Variants in LCT observed in about 807,000 individuals in gnomAD.
LCT encodes the protein lactase.
A neutral mutation model predicts 173.0 loss-of-function variants in LCT; 90 were observed. That is an observed-to-expected ratio of 0.52 (90% CI 0.44 to 0.62). The LOEUF is 0.62. Among genes scored for constraint, LCT ranks in the 20% least tolerant of loss-of-function variants. The probability of loss-of-function intolerance (pLI) is 0.00; values close to 1 mark genes in which losing one functional copy is unlikely to be tolerated. For synonymous variants in LCT, 853 were observed against 957.6 expected (o/e 0.89, Z 2.02); for missense variants, 1,864 against 2,431.4 (o/e 0.77, Z 4.91).
chr2:135,826,859 T>C (rs879132885), intron 3 of LCT, among the ~76,000 whole-genome samples: 1 of 152,322 alleles, frequency 6.6e-6, no homozygotes, highest in East Asian at 1.9e-4. Context: ...GCACAGGCCC[T>C]GGGCAGCAAG....
At position 135,809,062 on chromosome 2, in the gene LCT, G is replaced by A. The variant is rs372534937; in HGVS notation, c.3285C>T (p.His1095=). 624 of 1,613,348 alleles carry A rather than the reference G, an allele frequency of 3.9e-4. No individual in the cohort carries two copies. The highest frequency in any genetic ancestry group is 4.8e-4 in the Non-Finnish European group (568 of 1,179,852). ...DPGWAPYRIA[H]AVIKAHARVY... ...CTCTGGCATGGGCTTTGATGACGGCGTGGGCTATCCTATATGGTGCCCAGC... is the reference window on the plus strand; with the variant it reads ...CTCTGGCATGGGCTTTGATGACGGCATGGGCTATCCTATATGGTGCCCAGC... Residue 1095 remains histidine, a synonymous_variant, in exon 8 of 17, where the codon CAC becomes CAT. Coordinates refer to ENST00000264162, the MANE Select transcript of LCT (RefSeq NM_002299.4). The surrounding 1 kb of genome is among the most constrained non-coding windows in gnomAD (Gnocchi z 5.5).
At chr2:135,833,606 C>T (rs1012008429) in intron 1 of LCT, among the ~76,000 whole-genome samples, 1 of 150,964 alleles carries the variant, frequency 6.6e-6, no homozygotes, top group Non-Finnish European at 1.5e-5. Flanking sequence ...GCCACCACGC[C>T]CGGCTAATTT....
intron 14 of LCT, among the ~76,000 whole-genome samples, chr2:135,793,114 G>T (rs1339491531): frequency 6.6e-6 from 1 of 152,190 alleles, no homozygotes; most frequent in African/African-American, 2.4e-5. Context: ...CTAACCAGAG[G>T]TCCTGAGTCT....
intron 13 of LCT, among the ~76,000 whole-genome samples, chr2:135,797,698 CT>C (rs1279676406): frequency 6.6e-6 from 1 of 152,160 alleles, no homozygotes. Context: ...AAGCACACGC[CT>C]GACTGTCAGC....
Position 135,833,024 on chromosome 2 carries a change from C to T in LCT, c.720+87G>A. The T allele has an allele frequency of 4.0e-6, 4 of 1,010,100 alleles. No individual in the cohort carries two copies. In the East Asian group the frequency reaches 9.5e-5, roughly 24 times the overall value. 62.6% of individuals were successfully genotyped at this position (1,010,100 alleles called of 1,614,324 possible). The stretch of plus-strand genomic sequence containing the variant: ...CTGAGGCATTTACAGAAATGTCAAA[C>T]CAATAGACCAAAACTTCTCTTGTTT... On this transcript the variant is annotated intron_variant, in intron 2 of 16. Coordinates refer to ENST00000264162, the MANE Select transcript of LCT (RefSeq NM_002299.4).
intron 11 of LCT, among the ~76,000 whole-genome samples, chr2:135,801,777 T>C (rs2077629680): frequency 6.6e-6 from 1 of 151,880 alleles, no homozygotes; most frequent in Admixed American, 6.6e-5. Flanking sequence ...TTTCACCATA[T>C]TGATCAGGCT....
Position 135,788,391 on chromosome 2 carries a change from C to CA in LCT, c.5716dup (p.Cys1906LeufsTer5). On this transcript the variant is annotated frameshift_variant, in exon 17 of 17. Transcript: ENST00000264162. LOFTEE classifies it high-confidence loss of function. ...TGTTTTCCCTTGCTTAGAGCGCTTGCAGTACTTGTATGACAGAAATGCCAA... is the reference window on the plus strand; with the variant it reads ...TGTTTTCCCTTGCTTAGAGCGCTTGCAAGTACTTGTATGACAGAAATGCCAA... The CA allele has an allele frequency of 1.9e-6, 3 of 1,614,122 alleles. No homozygotes were observed. The highest frequency in any genetic ancestry group is 2.5e-6 in the Non-Finnish European group (3 of 1,180,016).
At chr2:135,821,715 C>T (rs1050305894) in intron 5 of LCT, 2 of 400,858 alleles carry the variant, frequency 5.0e-6, no homozygotes, top group Non-Finnish European at 9.3e-6. Flanking sequence ...GTCTTGAACT[C>T]CTGGACTCAA....
intron 3 of LCT, among the ~76,000 whole-genome samples, chr2:135,828,765 T>C (rs2077907905): frequency 6.6e-6 from 1 of 152,114 alleles, no homozygotes; most frequent in Non-Finnish European, 1.5e-5. Flanking sequence ...ATCATTAGAC[T>C]TGAGAAAAGC....
rs771278073 is a variant in LCT, at chr2:135,836,854, C to G, written c.316G>C (p.Asp106His). 6.8e-6 allele frequency: 11 copies of G among 1,614,158 alleles called. No homozygotes were observed. Among genetic ancestry groups the G allele is most frequent in the Non-Finnish European group, 9.3e-6 (11 of 1,180,038 alleles). Reference sequence around the variant, plus strand: ...CGGTAGCACTGCACTGTTTTCTCGTCTGGATTCTGGGTGCTTCCTGCTGGG... The same window carrying G: ...CGGTAGCACTGCACTGTTTTCTCGTGTGGATTCTGGGTGCTTCCTGCTGGG... The part of the protein sequence containing the change: ...LLPAGSTQNP[D>H]EKTVQCYRRL... Residue 106 changes from aspartate to histidine, a missense_variant, in exon 1 of 17, where the codon GAC becomes CAC. Asp to His is a moderately conservative substitution (Grantham distance 81). Transcript: ENST00000264162.
At position 135,807,336 on chromosome 2, in the gene LCT, A is replaced by G. The variant is rs2077685368; in HGVS notation, c.3965T>C (p.Phe1322Ser). The change falls in exon 9 of 17, where the codon TTT becomes TCT. Residue 1322 changes from phenylalanine to serine, a missense_variant. Coordinates refer to ENST00000264162, the MANE Select transcript of LCT (RefSeq NM_002299.4). ...GYVAWSLMDN[F>S]EWLNGYTVKF... ...GACCGTGTAGCCATTTAGCCACTCA[A>G]AGTTGTCCATCAGAGACCAGGCGAC... The G allele has an allele frequency of 6.2e-7, 1 of 1,614,130 alleles. No homozygotes were observed. Among genetic ancestry groups the G allele is most frequent in the Non-Finnish European group, 8.5e-7 (1 of 1,180,010 alleles).
At chr2:135,797,992 G>T in intron 13 of LCT, 37 bp downstream of exon 13, 1 of 1,144,166 alleles carries the variant, frequency 8.7e-7, no homozygotes, top group Non-Finnish European at 1.3e-6. Context: ...TGACCCCGAC[G>T]CCCATGCCCT....
At position 135,789,888 on chromosome 2, in the gene LCT, C is replaced by CT. The variant is rs2077520656; in HGVS notation, c.5336-91dup. 2.9e-5 allele frequency: 28 copies of CT among 971,386 alleles called. No homozygotes were observed. In the South Asian group the frequency reaches 3.4e-4, roughly 12 times the overall value. The allele number at this position is 971,386 out of a possible 1,614,324, so 60.2% of individuals were successfully genotyped here. The stretch of plus-strand genomic sequence containing the variant: ...TCGGAAGCCAGGTCTGCCTACTGCT[C>CT]TCCCCACCGCCTTCACAGATGGCGG... On this transcript the variant is annotated intron_variant, in intron 15 of 16. Coordinates refer to ENST00000264162, the MANE Select transcript of LCT (RefSeq NM_002299.4).
rs756827367 is a variant in LCT at position 135,817,863 on chromosome 2, A to C, written c.1185T>G (p.Phe395Leu). 6.2e-7 allele frequency: 1 copy of C among 1,613,892 alleles called. No individual in the cohort carries two copies. Among genetic ancestry groups the C allele is most frequent in the East Asian group, 2.2e-5 (1 of 44,868 alleles). The change falls in exon 6 of 17, where the codon TTT (phenylalanine) becomes TTG (leucine). Residue 395 changes from phenylalanine (F) to leucine (L), a missense_variant. Around this residue, in one of 4 missense-constraint regions of LCT, gnomAD observed 183 missense variants for 293.1 expected, o/e 0.62. Transcript: ENST00000264162. ...CCTCGGCCCAGCCTCCTTCCACGTTAAAGGCTCCTGTGGAGGCACCCCAGA... is the reference window on the plus strand; with the variant it reads ...CCTCGGCCCAGCCTCCTTCCACGTTCAAGGCTCCTGTGGAGGCACCCCAGA... ...GFLWGASTGAFNVEGGWAEGG... is the reference protein window; with the variant it reads ...GFLWGASTGALNVEGGWAEGG...
rs773259691 is a variant in LCT, at chr2:135,812,566, T to C, written c.2098A>G (p.Ile700Val). 10 of 1,613,716 alleles carry C rather than the reference T, an allele frequency of 6.2e-6. No homozygotes were observed. In the South Asian group the frequency reaches 1.1e-4, roughly 18 times the overall value. ...CCTCCAATGGTATCATAGCTAGGGA[T>C]GCAGGTGTTTTGTGGGGCGTTGCTG... Reference protein sequence around the residue: ...LISNAPQNTCIPSYDTIGGFS... With the variant: ...LISNAPQNTCVPSYDTIGGFS... Residue 700 changes from isoleucine to valine, a missense_variant, in exon 7 of 17, where the codon ATC (isoleucine) becomes GTC (valine). Physicochemically the swap from Ile to Val is conservative, Grantham distance 29 (BLOSUM62 3). This residue lies in a region of LCT where 755 missense variants were observed against 926.3 expected (regional missense o/e 0.82). Transcript: ENST00000264162.
At chr2:135,827,040 G>A (rs376626559) in intron 3 of LCT, among the ~76,000 whole-genome samples, 17 of 151,918 alleles carry the variant, frequency 1.1e-4, no homozygotes, top group Admixed American at 6.6e-5. Flanking sequence ...GTGCAGTGGC[G>A]CCATCTCGGC....
chr2:135,802,590 T>C (rs1158504722), intron 11 of LCT, among the ~76,000 whole-genome samples: 1 of 152,198 alleles, frequency 6.6e-6, no homozygotes, highest in Non-Finnish European at 1.5e-5. Flanking sequence ...GGTCATTATG[T>C]AAAGTGAAAT....
intron 11 of LCT, 59 bp from the exon 12 acceptor site, chr2:135,800,868 G>T (rs2105525791): frequency 7.5e-7 from 1 of 1,330,448 alleles, no homozygotes; most frequent in Non-Finnish European, 1.1e-6. Context: ...GACTGAGATT[G>T]TTAGTCCCTG....
intron 13 of LCT, among the ~76,000 whole-genome samples, chr2:135,796,573 CT>C (rs1315991297): frequency 6.6e-6 from 1 of 152,242 alleles, no homozygotes; most frequent in African/African-American, 2.4e-5. Flanking sequence ...ATTCTATCCC[CT>C]GTCAAGGCCC....
Sources: gnomAD v4.1 joint callset for allele counts (sites outside exome capture counted in the v4.1 genomes callset) on GRCh38, gnomAD v4.1.1 for gene constraint, gnomAD v4.1.1 regional missense constraint, Gnocchi (gnomAD v3.1) non-coding constraint, MANE v1.5 for transcripts, NCBI Gene and HGNC (gene_info 2026-07-23, HGNC 2026-07-21) for gene names.